C15orf61: variants seen among roughly 807,000 people sequenced by gnomAD.
C15orf61 encodes chromosome 15 open reading frame 61.
C15orf61 carries 12 observed loss-of-function variants against 13.7 expected under a neutral mutation model. That is an observed-to-expected ratio of 0.88 (90% CI 0.56 to 1.42). The LOEUF (loss-of-function observed/expected upper bound fraction) is 1.42, where lower values mean the gene tolerates loss of function less well. C15orf61 is among the 40% of genes most tolerant of loss of function. C15orf61 has a pLI of 0.00. For synonymous variants in C15orf61, 92 were observed against 94.1 expected (o/e 0.98, Z 0.13); for missense variants, 248 against 213.2 (o/e 1.16, Z -1.02).
chr15:67,525,945 C>T lies in C15orf61; in HGVS notation c.347-473C>T, dbSNP rs2084196432. 6.6e-6 allele frequency among the ~76,000 whole-genome samples: 1 copy of T among 152,128 alleles called. No individual in the cohort carries two copies. Among genetic ancestry groups the T allele is most frequent in the African/African-American group, 2.4e-5 (1 of 41,418 alleles). ...AGGAGAATCGCTTGAACCCAGGAGG[C>T]GGAGGTGGCAGCGAGCCGAGATCGC... On this transcript the variant is annotated intron_variant, in intron 1 of 1. Coordinates refer to ENST00000342683, the MANE Select transcript of C15orf61 (RefSeq NM_001143936.2). The surrounding 1 kb of genome is among the most constrained non-coding windows in gnomAD (Gnocchi z 4.9).
rs1368670501 is a variant in C15orf61, at chr15:67,521,349, A to C, written c.101A>C (p.Glu34Ala). 6.5e-7 allele frequency: 1 copy of C among 1,536,112 alleles called. No individual in the cohort carries two copies. The highest frequency in any genetic ancestry group is 1.2e-5 in the South Asian group (1 of 83,942). The change falls in exon 1 of 2, where the codon GAG becomes GCG. Residue 34 changes from glutamate (E) to alanine (A), a missense_variant. Glu to Ala is a moderately radical substitution (Grantham distance 107, BLOSUM62 -1). Transcript: ENST00000342683. Reference protein sequence around the residue: ...AAARPKPSASEVLTRHLLQRR... With the variant: ...AAARPKPSASAVLTRHLLQRR... ...GCCCGCCCCAAGCCCAGCGCCTCGG[A>C]GGTGCTGACGCGGCATCTGCTGCAG...
In C15orf61 at chr15:67,526,789, C is replaced by A; in HGVS notation, c.*244C>A. 3.4e-6 allele frequency: 1 copy of A among 295,470 alleles called. No individual in the cohort carries two copies. The highest frequency in any genetic ancestry group is 6.2e-6 in the Non-Finnish European group (1 of 161,868). 18.3% of individuals were successfully genotyped at this position (295,470 alleles called of 1,614,324 possible). A position where few individuals can be genotyped will look rare whatever the true frequency, so the allele number is the denominator to read the frequency against. On this transcript the variant is annotated 3_prime_UTR_variant, in exon 2 of 2. Coordinates refer to ENST00000342683, the MANE Select transcript of C15orf61 (RefSeq NM_001143936.2). ...GCTTCACACCATTTTTTCCCTAGAA[C>A]TAGGTTAACCTACAGATAAAAAATG...
At chr15:67,523,296 TA>T in intron 1 of C15orf61, among the ~76,000 whole-genome samples, 1 of 152,202 alleles carries the variant, frequency 6.6e-6, no homozygotes, top group Admixed American at 6.5e-5. Context: ...AATTAGATAA[TA>T]GGTCCTTTCC....
chr15:67,521,801 G>T (rs760391739), intron 1 of C15orf61: 4 of 633,750 alleles, frequency 6.3e-6, no homozygotes, highest in Non-Finnish European at 8.1e-6. Context: ...GAAGCCGTTC[G>T]CCTGCTGCGG....
At chr15:67,521,637 C>T (rs1453487554) in intron 1 of C15orf61, 43 bp downstream of exon 1, 1 of 1,423,182 alleles carries the variant, frequency 7.0e-7, no homozygotes, top group Admixed American at 2.2e-5. Flanking sequence ...GCCCGCCCGG[C>T]CGGGACGGCC....
chr15:67,521,419 C>A lies in C15orf61; in HGVS notation c.171C>A (p.Ala57=). Residue 57 remains alanine, a synonymous_variant, in exon 1 of 2, where the codon GCC becomes GCA. Coordinates refer to ENST00000342683, the MANE Select transcript of C15orf61 (RefSeq NM_001143936.2). ...CCTCCTTCTGCGTGCCCTACAGCGC[C>A]GTCCGCAACGACCAGTTCGGCCTCT... ...HWTSFCVPYS[A]VRNDQFGLSH... is the part of the protein sequence containing the mutation. 1 of 1,545,288 alleles carries A rather than the reference C, an allele frequency of 6.5e-7. No individual in the cohort carries two copies.
chr15:67,522,336 A>G, intron 1 of C15orf61: 1 of 669,850 alleles, frequency 1.5e-6, no homozygotes, highest in Non-Finnish European at 2.7e-6. Flanking sequence ...GCATAAAATC[A>G]ATCTAGATTT....
chr15:67,521,639 G>A (rs1365814682), intron 1 of C15orf61, 45 bp downstream of exon 1: 2 of 1,424,286 alleles, frequency 1.4e-6, no homozygotes, highest in Non-Finnish European at 1.9e-6. Flanking sequence ...CCGCCCGGCC[G>A]GGACGGCCCC....
In C15orf61 at chr15:67,521,643, C is replaced by T. The variant is rs540941454; in HGVS notation, c.346+49C>T. On this transcript the variant is annotated intron_variant, in intron 1 of 1. Transcript: ENST00000342683. The stretch of plus-strand genomic sequence containing the variant: ...CGCGGTGAAGCCCGCCCGGCCGGGA[C>T]GGCCCCTCAGCCACCGAGCACGTGA... 6 of 1,414,118 alleles carry T rather than the reference C, an allele frequency of 4.2e-6. No homozygotes were observed. In the Admixed American group the frequency reaches 6.5e-5, roughly 15 times the overall value. The allele number at this position is 1,414,118 out of a possible 1,614,324, so 87.6% of individuals were successfully genotyped here. A position where few individuals can be genotyped will look rare whatever the true frequency, so the allele number is the denominator to read the frequency against.
chr15:67,524,693 G>A (rs1332265742), intron 1 of C15orf61, among the ~76,000 whole-genome samples: 1 of 152,046 alleles, frequency 6.6e-6, no homozygotes, highest in African/African-American at 2.4e-5. Context: ...CACAGTGGCT[G>A]GAATGAAGCT....
At chr15:67,526,282 CAG>C (rs542791441) in intron 1 of C15orf61, 134 bp from the exon 2 acceptor site, 15 of 569,556 alleles carry the variant, frequency 2.6e-5, no homozygotes, top group South Asian at 1.5e-4. Context: ...CTTAGATAAT[CAG>C]AGTCAATGTT....
chr15:67,523,516 A>G lies in C15orf61; in HGVS notation c.346+1922A>G, dbSNP rs77524466. On this transcript the variant is annotated intron_variant, in intron 1 of 1. Coordinates refer to ENST00000342683, the MANE Select transcript of C15orf61 (RefSeq NM_001143936.2). ...TTACTGATGGTTTACCAGTCTAGGT[A>G]TCCTGCTGAGAAGTAGATTGAGATT... Among the ~76,000 whole-genome samples the G allele has an allele frequency of 5.8e-3, 885 of 152,296 alleles. 5 individuals are homozygous for G. The highest frequency in any genetic ancestry group is 0.02 in the African/African-American group (851 of 41,574).
At chr15:67,522,310 AACTT>A in intron 1 of C15orf61, 1 of 685,158 alleles carries the variant, frequency 1.5e-6, no homozygotes, top group South Asian at 1.6e-5. Flanking sequence ...AGATGTTTTG[AACTT>A]ACTAATAGCT....
Position 67,527,912 on chromosome 15 carries a change from A to G in C15orf61, c.*1367A>G, listed in dbSNP as rs1003612664. 2 of 152,234 alleles carry G rather than the reference A, an allele frequency of 1.3e-5. No individual in the cohort carries two copies. The highest frequency in any genetic ancestry group is 4.8e-5 in the African/African-American group (2 of 41,454). The allele number at this position is 152,234 out of a possible 1,614,324, so 9.4% of individuals were successfully genotyped here. A position where few individuals can be genotyped will look rare whatever the true frequency, so the allele number is the denominator to read the frequency against. ...AGTCCAGAAGAATATACTTGACACT[A>G]GTTAAATGAATGGCTTACACAAAGG... is the stretch of plus-strand genomic sequence containing the variant. On this transcript the variant is annotated 3_prime_UTR_variant, in exon 2 of 2. Transcript: ENST00000342683.
At position 67,526,405 on chromosome 15, in the gene C15orf61, G is replaced by A. The variant is rs566517686; in HGVS notation, c.347-13G>A. On this transcript the variant is annotated splice_polypyrimidine_tract_variant and intron_variant, in intron 1 of 1. Transcript: ENST00000342683. ...TAAGCATTGATGTTTATACATATTC[G>A]TTTGTTTTCTAGGTATTCCAACTTT... is the stretch of plus-strand genomic sequence containing the variant. 9 of 1,493,638 alleles carry A rather than the reference G, an allele frequency of 6.0e-6. No individual in the cohort carries two copies. In the African/African-American group the frequency reaches 8.4e-5, roughly 14 times the overall value. The allele number at this position is 1,493,638 out of a possible 1,614,324, so 92.5% of individuals were successfully genotyped here.
In C15orf61 at chr15:67,526,702, T is replaced by G. The variant is rs2084200845; in HGVS notation, c.*157T>G. On this transcript the variant is annotated 3_prime_UTR_variant, in exon 2 of 2. Transcript: ENST00000342683. ...AATCATTGCCCTCAAGAGGTGAAGCTTTTTATACATCGTTATATATTACAT... is the reference window on the plus strand; with the variant it reads ...AATCATTGCCCTCAAGAGGTGAAGCGTTTTATACATCGTTATATATTACAT... The G allele has an allele frequency of 1.5e-6, 1 of 649,600 alleles. No individual in the cohort carries two copies. Among genetic ancestry groups the G allele is most frequent in the African/African-American group, 1.9e-5 (1 of 53,582 alleles). The allele number at this position is 649,600 out of a possible 1,614,324, so 40.2% of individuals were successfully genotyped here.
rs1261134328 is a variant in C15orf61, at chr15:67,525,015, T to A, written c.347-1403T>A. ...TCACGCCCAGCTAATTTTGTATTTT[T>A]TGTAGAGACGGGGTTTCTCCATGTT... On this transcript the variant is annotated intron_variant, in intron 1 of 1. Transcript: ENST00000342683. This position sits in a 1 kb window ranked among gnomAD's most constrained non-coding sequence, Gnocchi z 4.9. 6.6e-6 allele frequency among the ~76,000 whole-genome samples: 1 copy of A among 152,130 alleles called. No individual in the cohort carries two copies. Among genetic ancestry groups the A allele is most frequent in the East Asian group, 1.9e-4 (1 of 5,186 alleles).
At position 67,524,938 on chromosome 15, in the gene C15orf61, G is replaced by A. The variant is rs561586776; in HGVS notation, c.347-1480G>A. Among the ~76,000 whole-genome samples, 528 of 147,178 alleles carry A rather than the reference G, an allele frequency of 3.6e-3. 5 individuals carry two copies. Among genetic ancestry groups the A allele is most frequent in the African/African-American group, 0.012 (497 of 39,880 alleles). ...TGCAACCTCTGCCTCCTGGGCTCAA[G>A]CAATTCTCCTGCCTCAGCCTCCTGA... On this transcript the variant is annotated intron_variant, in intron 1 of 1. Coordinates refer to ENST00000342683, the MANE Select transcript of C15orf61 (RefSeq NM_001143936.2).
rs2084203186 is a variant in C15orf61 at position 67,527,088 on chromosome 15, G to A, written c.*543G>A. Reference sequence around the variant, plus strand: ...CCTTGTGCCATTTACCTGGAGGAGGGGTTGGAGTGTAATGTTGAAACTTCT... The same window carrying A: ...CCTTGTGCCATTTACCTGGAGGAGGAGTTGGAGTGTAATGTTGAAACTTCT... On this transcript the variant is annotated 3_prime_UTR_variant, in exon 2 of 2. Transcript: ENST00000342683. The A allele has an allele frequency of 1.3e-5, 2 of 152,144 alleles. No individual in the cohort carries two copies. Among genetic ancestry groups the A allele is most frequent in the Admixed American group, 1.3e-4 (2 of 15,272 alleles). The allele number at this position is 152,144 out of a possible 1,614,324, so 9.4% of individuals were successfully genotyped here.
Sources: gnomAD v4.1 joint callset for allele counts (sites outside exome capture counted in the v4.1 genomes callset) on GRCh38, gnomAD v4.1.1 for gene constraint, Gnocchi (gnomAD v3.1) non-coding constraint, MANE v1.5 for transcripts, NCBI Gene and HGNC (gene_info 2026-07-23, HGNC 2026-07-21) for gene names.